UGT1A8: variants seen among roughly 807,000 people sequenced by gnomAD.
UGT1A8 encodes UDP-glucuronosyltransferase 1A8.
In UGT1A8, 39 loss-of-function variants were observed where a neutral mutation model predicts 45.3. That is an observed-to-expected ratio of 0.86 (90% CI 0.67 to 1.12). UGT1A8 has a LOEUF of 1.12. Among genes scored for constraint, UGT1A8 ranks in the 50% most tolerant of loss-of-function variants. The probability of loss-of-function intolerance (pLI) is 0.00; values close to 1 mark genes in which losing one functional copy is unlikely to be tolerated. For synonymous variants in UGT1A8, 275 were observed against 249.2 expected, an observed-to-expected ratio of 1.10 and a Z score of -0.97; for missense variants, 719 against 664.9, an observed-to-expected ratio of 1.08 and a Z score of -0.90.
intron 1 of UGT1A8, among the ~76,000 whole-genome samples, chr2:233,726,193 G>A (rs2077515288): frequency 6.6e-6 from 1 of 152,108 alleles, no homozygotes; most frequent in Admixed American, 6.5e-5. Flanking sequence ...TTTGGCATAT[G>A]GAAATCTTGT....
intron 1 of UGT1A8, chr2:233,717,937 A>G: frequency 4.4e-6 from 2 of 454,168 alleles, no homozygotes; most frequent in East Asian, 7.0e-5. Flanking sequence ...TTCAGTCTCT[A>G]TGCAGACTTG....
At position 233,748,684 on chromosome 2, in the gene UGT1A8, A is replaced by C. The variant is rs576819549; in HGVS notation, c.856-18350A>C. On this transcript the variant is annotated intron_variant, in intron 1 of 4. Transcript: ENST00000373450. ...TCCAGAGAGGGATCTGTGCTGACAA[A>C]AGATTTTTCTGGTCAGGATTTGGGG... Among the ~76,000 whole-genome samples, 46 of 151,796 alleles carry C rather than the reference A, an allele frequency of 3.0e-4. 1 individual carries two copies. Among genetic ancestry groups the C allele is most frequent in the Non-Finnish European group, 4.4e-4 (30 of 68,030 alleles).
At chr2:233,641,257 A>T (rs1361994945) in intron 1 of UGT1A8, among the ~76,000 whole-genome samples, 1 of 152,144 alleles carries the variant, frequency 6.6e-6, no homozygotes, top group East Asian at 1.9e-4. Flanking sequence ...CCCATGCCAC[A>T]CCAGTCTCAG....
intron 1 of UGT1A8, chr2:233,761,091 C>T (rs138454262): frequency 2.5e-6 from 4 of 1,614,104 alleles, no homozygotes; most frequent in Non-Finnish European, 3.4e-6. Context: ...CTAGGCCCAT[C>T]ATGCCCAATA....
At position 233,729,614 on chromosome 2, in the gene UGT1A8, A is replaced by C. The variant is rs775324088; in HGVS notation, c.856-37420A>C. 2.4e-5 allele frequency: 39 copies of C among 1,613,890 alleles called. No individual in the cohort carries two copies. Among genetic ancestry groups the C allele is most frequent in the Non-Finnish European group, 3.2e-5 (38 of 1,179,900 alleles). On this transcript the variant is annotated intron_variant, in intron 1 of 4. Transcript: ENST00000373450. Reference sequence around the variant, plus strand: ...AACCTCTGCGCGGCAGTGCTGGCTAAGTACCTGTCGATTCCTACTGTGTTT... The same window carrying C: ...AACCTCTGCGCGGCAGTGCTGGCTACGTACCTGTCGATTCCTACTGTGTTT...
chr2:233,677,542 GAA>G, intron 1 of UGT1A8, among the ~76,000 whole-genome samples: 1 of 152,078 alleles, frequency 6.6e-6, no homozygotes, highest in South Asian at 2.1e-4. Context: ...CTAGAGAAAA[GAA>G]AATGTTATTA....
At chr2:233,755,280 C>T in intron 1 of UGT1A8, 2 of 709,722 alleles carry the variant, frequency 2.8e-6, no homozygotes, top group Non-Finnish European at 2.2e-6. Context: ...GCTGGACTGC[C>T]AAAGAGCCTG....
chr2:233,760,827 A>G lies in UGT1A8; in HGVS notation c.856-6207A>G, dbSNP rs148755655. ...TGCATGCACTGCCATGCAGCCTGGA[A>G]TTTGAGGCTACCCAGTGCCCCAACC... On this transcript the variant is annotated intron_variant, in intron 1 of 4. Transcript: ENST00000373450. 4,073 of 1,613,502 alleles carry G rather than the reference A, an allele frequency of 2.5e-3. 8 individuals carry two copies. The highest frequency in any genetic ancestry group is 3.2e-3 in the Non-Finnish European group (3,736 of 1,179,512).
intron 1 of UGT1A8, among the ~76,000 whole-genome samples, chr2:233,622,230 C>A (rs958771825): frequency 2.0e-5 from 3 of 152,098 alleles, no homozygotes; most frequent in African/African-American, 7.2e-5. Flanking sequence ...ATTTATAATT[C>A]TTTGGGTATA....
chr2:233,637,392 C>T, intron 1 of UGT1A8: 1 of 1,600,842 alleles, frequency 6.2e-7, no homozygotes. Flanking sequence ...GTCACCTCTC[C>T]TTTAGCACAT....
At chr2:233,709,425 C>T (rs1055346708) in intron 1 of UGT1A8, among the ~76,000 whole-genome samples, 1 of 152,240 alleles carries the variant, frequency 6.6e-6, no homozygotes, top group African/African-American at 2.4e-5. Context: ...AGAATGTCCT[C>T]CAGAAAGGAT....
chr2:233,688,596 C>T (rs544996820), intron 1 of UGT1A8, among the ~76,000 whole-genome samples: 2 of 152,264 alleles, frequency 1.3e-5, no homozygotes, highest in African/African-American at 4.8e-5. Context: ...GTTGGTGTTA[C>T]AGAATAACAC....
At chr2:233,628,798 T>C (rs901106121) in intron 1 of UGT1A8, among the ~76,000 whole-genome samples, 2 of 152,074 alleles carry the variant, frequency 1.3e-5, no homozygotes, top group South Asian at 4.1e-4. Context: ...ATTTTCCGAG[T>C]TTGTTGAGAA....
intron 1 of UGT1A8, chr2:233,754,551 G>A (rs1002351204): frequency 7.8e-6 from 3 of 386,102 alleles, no homozygotes; most frequent in African/African-American, 4.2e-5. Context: ...ATTACTTGGT[G>A]TCAATGGGGA....
intron 1 of UGT1A8, among the ~76,000 whole-genome samples, chr2:233,644,065 A>C (rs2073534515): frequency 6.6e-6 from 1 of 152,128 alleles, no homozygotes; most frequent in Admixed American, 6.6e-5. Flanking sequence ...CTAGTGTTTC[A>C]GTATGTCATA....
At chr2:233,629,527 T>C (rs976295849) in intron 1 of UGT1A8, among the ~76,000 whole-genome samples, 3 of 152,144 alleles carry the variant, frequency 2.0e-5, no homozygotes, top group African/African-American at 7.2e-5. Context: ...AGACTTTGAC[T>C]TGCCAATATT....
At chr2:233,709,625 TGTGA>T (rs2076085434) in intron 1 of UGT1A8, among the ~76,000 whole-genome samples, 1 of 152,234 alleles carries the variant, frequency 6.6e-6, no homozygotes, top group African/African-American at 2.4e-5. Flanking sequence ...GGTGTTTTGC[TGTGA>T]GTGTTTCTTG....
At chr2:233,680,241 A>T (rs2074479901) in intron 1 of UGT1A8, among the ~76,000 whole-genome samples, 1 of 152,154 alleles carries the variant, frequency 6.6e-6, no homozygotes, top group Non-Finnish European at 1.5e-5. Context: ...AGGTTTAAAA[A>T]ATTACACTAA....
chr2:233,711,602 GC>G (rs2125624733), intron 1 of UGT1A8, among the ~76,000 whole-genome samples: 1 of 152,258 alleles, frequency 6.6e-6, no homozygotes, highest in African/African-American at 2.4e-5. Context: ...TCCTGCCTGC[GC>G]CCTCTGGTGG....
Sources: allele counts gnomAD v4.1 joint callset (sites outside exome capture counted in the v4.1 genomes callset), GRCh38; gene constraint gnomAD v4.1.1; transcripts MANE v1.5; gene names NCBI Gene and HGNC (gene_info 2026-07-23, HGNC 2026-07-21).